The following UNC79 variants were observed in gnomAD, a reference collection of about 807,000 sequenced individuals.
UNC79 encodes unc-79 subunit of NALCN channel complex.
Under a neutral mutation model 283.1 loss-of-function variants are expected in UNC79, and 37 were observed. That is an observed-to-expected ratio of 0.13 (90% CI 0.10 to 0.17). UNC79 has a LOEUF of 0.17. UNC79 is among the 10% of genes least tolerant of loss of function. The pLI, the probability that UNC79 is intolerant of heterozygous loss-of-function variation, is 1.00. For missense variants in UNC79, 2,272 were observed against 3,211.1 expected (o/e 0.71, Z 7.07); for synonymous variants, 1,107 against 1,200.2 (o/e 0.92, Z 1.61).
chr14:93,393,270 A>C (rs2054921977), intron 1 of UNC79, among the ~76,000 whole-genome samples: 1 of 152,190 alleles, frequency 6.6e-6, no homozygotes. Flanking sequence ...ATTCCAACAA[A>C]AGTTTGGAGG....
chr14:93,584,099 C>T (rs760535950), intron 20 of UNC79, among the ~76,000 whole-genome samples: 6 of 152,152 alleles, frequency 3.9e-5, no homozygotes, highest in Non-Finnish European at 7.3e-5. Flanking sequence ...AGCCACCACA[C>T]CCGGCCATAT....
intron 30 of UNC79, among the ~76,000 whole-genome samples, chr14:93,629,568 A>G (rs1458206780): frequency 4.6e-5 from 7 of 152,198 alleles, no homozygotes; most frequent in African/African-American, 1.4e-4. Context: ...ACCTACTTGA[A>G]AGGCCTCTGA....
At chr14:93,419,170 CTT>C (rs1230763519) in intron 1 of UNC79, among the ~76,000 whole-genome samples, 20 of 140,734 alleles carry the variant, frequency 1.4e-4, no homozygotes, top group Non-Finnish European at 1.6e-4. Context: ...GGCTCCACAC[CTT>C]TTTTTTTTTT....
intron 1 of UNC79, among the ~76,000 whole-genome samples, chr14:93,367,747 G>A (rs2054364439): frequency 6.6e-6 from 1 of 152,214 alleles, no homozygotes; most frequent in Non-Finnish European, 1.5e-5. Context: ...TCTATCTTGA[G>A]CAGTGTTAAG....
intron 13 of UNC79, among the ~76,000 whole-genome samples, chr14:93,541,165 G>T (rs2061352339): frequency 6.6e-6 from 1 of 152,160 alleles, no homozygotes. Flanking sequence ...AGTATATATT[G>T]TCAAGTACTG....
chr14:93,706,146 T>C (rs1595171369), intron 48 of UNC79, among the ~76,000 whole-genome samples: 3 of 152,266 alleles, frequency 2.0e-5, no homozygotes, highest in South Asian at 2.1e-4. Context: ...CCTAAGAAGC[T>C]TGGAGAAAGA....
intron 1 of UNC79, among the ~76,000 whole-genome samples, chr14:93,464,066 G>A (rs1255160821): frequency 1.3e-5 from 2 of 152,064 alleles, no homozygotes; most frequent in Non-Finnish European, 2.9e-5. Flanking sequence ...GGAGAATGGC[G>A]TGAACCCAGG....
At chr14:93,673,240 A>T in intron 40 of UNC79, 111 bp from the exon 44 acceptor site, 1 of 893,480 alleles carries the variant, frequency 1.1e-6, no homozygotes, top group Non-Finnish European at 1.7e-6. Flanking sequence ...TGCATTTTTG[A>T]ATACTGTTTT....
At chr14:93,352,054 A>G (rs1251154819) in intron 1 of UNC79, among the ~76,000 whole-genome samples, 1 of 152,188 alleles carries the variant, frequency 6.6e-6, no homozygotes, top group Non-Finnish European at 1.5e-5. Context: ...GGATAAAATT[A>G]TTTTTCGGAG....
At chr14:93,605,111 CCCCTG>C in intron 26 of UNC79, 150 bp downstream of exon 27, 2 of 712,316 alleles carry the variant, frequency 2.8e-6, no homozygotes, top group Non-Finnish European at 4.2e-6. Context: ...AGTGTTTGAA[CCCCTG>C]ATATGGCAAT....
chr14:93,596,614 AAC>A (rs2065100235), intron 23 of UNC79, among the ~76,000 whole-genome samples: 1 of 152,224 alleles, frequency 6.6e-6, no homozygotes, highest in African/African-American at 2.4e-5. Context: ...CAGCCTGGGC[AAC>A]AGAGTGAGAC....
At position 93,704,578 on chromosome 14, in the gene UNC79, G is replaced by C. The variant is rs370606169; in HGVS notation, c.7549-47G>C. ...CCTTGCAATGAGCGAAGCTTTGTGG[G>C]AGAATAGAGGACACTAATAATGAAG... On this transcript the variant is annotated intron_variant, in intron 47 of 48. Transcript: ENST00000555664. 6.9e-4 allele frequency: 1,101 copies of C among 1,603,604 alleles called. 14 individuals are homozygous for C. Among genetic ancestry groups the C allele is most frequent in the Middle Eastern group, 3.3e-4 (2 of 6,054 alleles).
chr14:93,346,336 TC>T (rs973652526), intron 1 of UNC79, among the ~76,000 whole-genome samples: 23 of 152,158 alleles, frequency 1.5e-4, no homozygotes, highest in African/African-American at 5.6e-4. Context: ...AATTTAAAAA[TC>T]ACAGTATATT....
At chr14:93,640,051 A>G (rs2068879788) in intron 32 of UNC79, among the ~76,000 whole-genome samples, 1 of 152,196 alleles carries the variant, frequency 6.6e-6, no homozygotes, top group Non-Finnish European at 1.5e-5. Context: ...TTTGTAGAAC[A>G]TGGCATTATT....
intron 1 of UNC79, among the ~76,000 whole-genome samples, chr14:93,404,493 A>AAAAAATATATATATATAT: frequency 1.3e-4 from 8 of 61,494 alleles, no homozygotes; most frequent in East Asian, 5.5e-4. Flanking sequence ...TTCTAAAAAA[A>AAAAAATATATATATATAT]ATATATATAT....
intron 23 of UNC79, among the ~76,000 whole-genome samples, chr14:93,595,585 G>A (rs956207393): frequency 3.3e-5 from 5 of 152,028 alleles, no homozygotes; most frequent in African/African-American, 1.2e-4. Flanking sequence ...CCACGCGGGG[G>A]CCATTCTGGG....
At chr14:93,464,438 A>G in intron 1 of UNC79, 1 of 440,746 alleles carries the variant, frequency 2.3e-6, no homozygotes, top group South Asian at 1.6e-5. Context: ...TCTTAAAAGG[A>G]CAGCAGTCAG....
intron 1 of UNC79, among the ~76,000 whole-genome samples, chr14:93,339,069 G>A (rs1179433563): frequency 1.3e-5 from 2 of 152,206 alleles, no homozygotes; most frequent in Non-Finnish European, 2.9e-5. Flanking sequence ...GGAAAGTGAT[G>A]TACAGAAAAT....
chr14:93,633,978 T>C (rs184779431), intron 31 of UNC79, among the ~76,000 whole-genome samples: 1 of 152,330 alleles, frequency 6.6e-6, no homozygotes, highest in East Asian at 1.9e-4. Context: ...CCTCAGTTGC[T>C]GACTGGTTCC....
Sources: gnomAD v4.1 joint callset for allele counts (sites outside exome capture counted in the v4.1 genomes callset) on GRCh38, gnomAD v4.1.1 for gene constraint, MANE v1.5 for transcripts, NCBI Gene and HGNC (gene_info 2026-07-23, HGNC 2026-07-21) for gene names.